Variants in GPHN observed in about 807,000 individuals in gnomAD.
The protein encoded by GPHN is gephyrin.
In GPHN, 17 loss-of-function variants were observed where a neutral mutation model predicts 95.5. That is an observed-to-expected ratio of 0.18 (90% confidence interval 0.12 to 0.27). The LOEUF is 0.27. Among genes scored for constraint, GPHN ranks in the 10% least tolerant of loss-of-function variants. GPHN has a pLI of 1.00. For missense variants in GPHN, 660 were observed against 978.1 expected (o/e 0.67, Z 4.34); for synonymous variants, 320 against 322.5 (o/e 0.99, Z 0.08).
At chr14:67,459,055 T>A in the GPHN span, among the ~76,000 whole-genome samples, 2 of 152,024 alleles carry the variant, frequency 1.3e-5, no homozygotes, top group East Asian at 3.9e-4. Flanking sequence ...GCCAGGCTAA[T>A]TTTTTTGTAT....
the GPHN span, among the ~76,000 whole-genome samples, chr14:67,640,423 T>C: frequency 2.0e-5 from 3 of 152,232 alleles, no homozygotes; most frequent in Non-Finnish European, 4.4e-5. Context: ...CCAATATCTC[T>C]TGCGGTGGCA....
the GPHN span, chr14:67,204,824 C>A: frequency 6.2e-7 from 1 of 1,613,956 alleles, no homozygotes; most frequent in Non-Finnish European, 8.5e-7. Flanking sequence ...GCCATCCTGA[C>A]CCCGTACATG....
At chr14:67,658,198 C>T in the GPHN span, among the ~76,000 whole-genome samples, 1 of 149,312 alleles carries the variant, frequency 6.7e-6, no homozygotes, top group African/African-American at 2.4e-5. Context: ...ACTGAGTAGG[C>T]TAAAAAATGA....
the GPHN span, among the ~76,000 whole-genome samples, chr14:67,688,308 G>A: frequency 6.6e-6 from 1 of 152,082 alleles, no homozygotes; most frequent in Non-Finnish European, 1.5e-5. Context: ...ATGTTGTTAA[G>A]GAAATACATA....
chr14:66,895,111 A>G (rs1467991613), intron 5 of GPHN, among the ~76,000 whole-genome samples: 1 of 152,240 alleles, frequency 6.6e-6, no homozygotes, highest in African/African-American at 2.4e-5. Context: ...ACCAACCCAA[A>G]TGTCCATCAG....
chr14:66,875,151 C>G (rs550753282), intron 4 of GPHN, among the ~76,000 whole-genome samples: 1 of 152,216 alleles, frequency 6.6e-6, no homozygotes, highest in African/African-American at 2.4e-5. Context: ...CATATCTGGC[C>G]AAACTAAGCT....
the GPHN span, among the ~76,000 whole-genome samples, chr14:67,259,479 T>C: frequency 1.3e-5 from 2 of 151,824 alleles, no homozygotes; most frequent in Non-Finnish European, 2.9e-5. Flanking sequence ...GGGTGTAGTG[T>C]TGGGCGCCTG....
intron 9 of GPHN, among the ~76,000 whole-genome samples, chr14:66,975,162 T>C (rs1321195185): frequency 6.6e-6 from 1 of 152,204 alleles, no homozygotes; most frequent in Non-Finnish European, 1.5e-5. Context: ...GATATTCTAA[T>C]TGATAGATGT....
chr14:67,473,669 G>T, the GPHN span: 1 of 1,581,264 alleles, frequency 6.3e-7, no homozygotes, highest in Non-Finnish European at 8.6e-7. The surrounding 1 kb of genome is among the most constrained non-coding windows in gnomAD (Gnocchi z 6.5). Flanking sequence ...ACTCCCACAG[G>T]TAGGTCCAGA....
chr14:67,209,091 G>A, the GPHN span, among the ~76,000 whole-genome samples: 229 of 152,250 alleles, frequency 1.5e-3, 1 homozygote, highest in Non-Finnish European at 2.7e-3. Context: ...ATCATTTATT[G>A]TCCGCTGATA....
the GPHN span, chr14:67,205,200 C>G: frequency 9.1e-7 from 1 of 1,104,670 alleles, no homozygotes; most frequent in East Asian, 2.6e-5. Context: ...TGGAACCTAC[C>G]TACTCCGAGA....
chr14:67,379,372 C>G, the GPHN span, among the ~76,000 whole-genome samples: 1 of 152,130 alleles, frequency 6.6e-6, no homozygotes, highest in Non-Finnish European at 1.5e-5. Context: ...GATTTGCATA[C>G]TCCTGATTGT....
chr14:67,538,958 T>C, the GPHN span, among the ~76,000 whole-genome samples: 1 of 152,222 alleles, frequency 6.6e-6, no homozygotes, highest in Non-Finnish European at 1.5e-5. Flanking sequence ...ACTCTCCCAA[T>C]AGAATCTGAG....
Position 67,148,556 on chromosome 14 carries a change from T to G in GPHN, c.1836+5107T>G, listed in dbSNP as rs1172510695. Among the ~76,000 whole-genome samples the G allele has an allele frequency of 2.1e-5, 3 of 141,668 alleles. No homozygotes were observed. In the East Asian group the frequency reaches 6.4e-4, roughly 30 times the overall value. 92.9% of individuals were successfully genotyped at this position (141,668 alleles called of 152,430 possible). A position where few individuals can be genotyped will look rare whatever the true frequency, so the allele number is the denominator to read the frequency against. ...TTCATAATAATTTTAAGACTTTATT[T>G]GCTTTTTTTTTTTTTTTTTTTTGAG... On this transcript the variant is annotated intron_variant, in intron 18 of 22. Coordinates refer to ENST00000478722, the MANE Select transcript of GPHN (RefSeq NM_020806.5).
At chr14:67,382,103 C>T in the GPHN span, among the ~76,000 whole-genome samples, 1 of 151,988 alleles carries the variant, frequency 6.6e-6, no homozygotes, top group Non-Finnish European at 1.5e-5. Flanking sequence ...AGGATTCTTC[C>T]ATCAGTTTAG....
At chr14:67,672,453 T>C in the GPHN span, among the ~76,000 whole-genome samples, 50 of 146,632 alleles carry the variant, frequency 3.4e-4, 1 homozygote, top group African/African-American at 1.2e-3. Flanking sequence ...TTTTCTTTTT[T>C]TTTTTTTTTT....
chr14:67,646,875 A>C, the GPHN span: 1 of 1,452,356 alleles, frequency 6.9e-7, no homozygotes, highest in South Asian at 1.1e-5. Flanking sequence ...TATTTGTTAA[A>C]AATGCTCTTT....
At chr14:67,400,284 ACT>A in the GPHN span, among the ~76,000 whole-genome samples, 1 of 152,136 alleles carries the variant, frequency 6.6e-6, no homozygotes, top group Non-Finnish European at 1.5e-5. Flanking sequence ...CGTGATGATC[ACT>A]CTGTTTCCAT....
At chr14:67,445,833 G>A in the GPHN span, among the ~76,000 whole-genome samples, 79 of 151,982 alleles carry the variant, frequency 5.2e-4, no homozygotes, top group African/African-American at 1.7e-3. Context: ...GTGATCCATC[G>A]TCCTTGGCCT....
Sources: gnomAD v4.1 joint callset for allele counts (sites outside exome capture counted in the v4.1 genomes callset) on GRCh38, gnomAD v4.1.1 for gene constraint, Gnocchi (gnomAD v3.1) non-coding constraint, MANE v1.5 for transcripts, NCBI Gene and HGNC (gene_info 2026-07-23, HGNC 2026-07-21) for gene names.